The following CSGALNACT1 variants were observed in gnomAD, a reference collection of about 807,000 sequenced individuals.
CSGALNACT1 encodes beta4GalNAcT-1.
CSGALNACT1 carries 52 observed loss-of-function variants against 51.0 expected under a neutral mutation model. The ratio of observed to expected loss-of-function variants is 1.02; its 90% CI spans 0.82 to 1.29. The LOEUF (loss-of-function observed/expected upper bound fraction) is 1.29. CSGALNACT1 is among the 50% of genes most tolerant of loss of function. The pLI is 0.00. For missense variants in CSGALNACT1, 935 were observed against 679.2 expected, an observed-to-expected ratio of 1.38 and a Z score of -4.19; for synonymous variants, 341 against 254.4, an observed-to-expected ratio of 1.34 and a Z score of -3.24.
chr8:19,625,603 T>C (rs1285523680), intron 1 of CSGALNACT1, among the ~76,000 whole-genome samples: 1 of 152,190 alleles, frequency 6.6e-6, no homozygotes, highest in Non-Finnish European at 1.5e-5. Context: ...AGTATAGGAA[T>C]CTGCAGTTTT....
chr8:19,491,098 A>C (rs200933513), intron 4 of CSGALNACT1, among the ~76,000 whole-genome samples: 1 of 148,144 alleles, frequency 6.8e-6, no homozygotes, highest in Non-Finnish European at 1.5e-5. Flanking sequence ...AAAAAAAAAA[A>C]CCAATGCTTT....
intron 3 of CSGALNACT1, among the ~76,000 whole-genome samples, chr8:19,512,072 C>A (rs6988743): frequency 0.57 from 86,549 of 152,032 alleles, 25,602 homozygotes; most frequent in East Asian, 0.83. Flanking sequence ...GAACCAAACC[C>A]TATCAGTGAC....
intron 3 of CSGALNACT1, among the ~76,000 whole-genome samples, chr8:19,573,238 AACTG>A (rs929189353): frequency 1.2e-4 from 18 of 152,342 alleles, no homozygotes; most frequent in African/African-American, 4.1e-4. Context: ...TTCAAACATC[AACTG>A]ACTGTCATAG....
intron 1 of CSGALNACT1, among the ~76,000 whole-genome samples, chr8:19,623,054 A>G (rs1039933114): frequency 3.3e-5 from 5 of 151,240 alleles, no homozygotes; most frequent in African/African-American, 1.2e-4. Flanking sequence ...CCAGAACTTA[A>G]AGTAAAGTAA....
intron 1 of CSGALNACT1, among the ~76,000 whole-genome samples, chr8:19,721,812 C>G (rs1233709028): frequency 6.6e-6 from 1 of 152,182 alleles, no homozygotes; most frequent in Non-Finnish European, 1.5e-5. Flanking sequence ...TTGGCTTTAG[C>G]TGTTCCTTTA....
At chr8:19,543,415 C>T (rs759147243) in intron 3 of CSGALNACT1, among the ~76,000 whole-genome samples, 5 of 152,200 alleles carry the variant, frequency 3.3e-5, no homozygotes, top group Non-Finnish European at 7.3e-5. Flanking sequence ...GTTCTCTATA[C>T]GTATGTGAAG....
chr8:19,647,957 C>T (rs749209788), intron 1 of CSGALNACT1, among the ~76,000 whole-genome samples: 1 of 152,214 alleles, frequency 6.6e-6, no homozygotes, highest in Non-Finnish European at 1.5e-5. Context: ...AGAGACAGTA[C>T]TGCTAAGCCA....
intron 3 of CSGALNACT1, among the ~76,000 whole-genome samples, chr8:19,525,696 T>G (rs1333790378): frequency 1.7e-5 from 2 of 117,696 alleles, no homozygotes; most frequent in Non-Finnish European, 3.4e-5. Flanking sequence ...ATAAATGACC[T>G]AGAGAAAAGT....
chr8:19,621,124 C>T (rs1161703145), intron 1 of CSGALNACT1, among the ~76,000 whole-genome samples: 2 of 152,126 alleles, frequency 1.3e-5, no homozygotes, highest in African/African-American at 4.8e-5. Context: ...AAAGAAGTAA[C>T]TACTGTATTT....
upstream of CSGALNACT1, among the ~76,000 whole-genome samples, chr8:19,686,624 G>T (rs17090706): frequency 0.28 from 42,988 of 152,086 alleles, 6,304 homozygotes; most frequent in East Asian, 0.41. Context: ...AACTCCACTG[G>T]GCATAAACAT....
At chr8:19,634,260 C>T (rs770919992) in intron 1 of CSGALNACT1, among the ~76,000 whole-genome samples, 18 of 152,116 alleles carry the variant, frequency 1.2e-4, no homozygotes, top group Non-Finnish European at 2.4e-4. Context: ...ATGTTGAAGC[C>T]TTAACTCCTT....
chr8:19,416,109 C>CTT (rs34491658), intron 8 of CSGALNACT1, among the ~76,000 whole-genome samples: 35,482 of 116,560 alleles, frequency 0.3, 6,514 homozygotes, highest in East Asian at 0.63. Context: ...GAAATGAAAA[C>CTT]TTTTTTTTTT....
At chr8:19,677,301 G>C (rs140619435) in intron 1 of CSGALNACT1, among the ~76,000 whole-genome samples, 56 of 152,246 alleles carry the variant, frequency 3.7e-4, no homozygotes, top group African/African-American at 1.2e-3. Flanking sequence ...TACAGAGACA[G>C]CATTTTGCCA....
chr8:19,590,433 A>G (rs1419201481), intron 3 of CSGALNACT1, among the ~76,000 whole-genome samples: 1 of 152,186 alleles, frequency 6.6e-6, no homozygotes, highest in Non-Finnish European at 1.5e-5. Context: ...TTCTGTAATG[A>G]ATGCAATTGC....
At chr8:19,457,707 A>G in intron 5 of CSGALNACT1, 2 of 1,330,428 alleles carry the variant, frequency 1.5e-6, no homozygotes, top group Non-Finnish European at 2.0e-6. Flanking sequence ...GAAATCACTT[A>G]GCTGGTTATC....
intron 3 of CSGALNACT1, among the ~76,000 whole-genome samples, chr8:19,552,131 G>C (rs1000802516): frequency 6.6e-6 from 1 of 152,262 alleles, no homozygotes; most frequent in East Asian, 1.9e-4. Flanking sequence ...GCTTAAAAGA[G>C]CTAAACAAAC....
chr8:19,602,007 G>A (rs975912315), exon 1 of CSGALNACT1: 2 of 372,952 alleles, frequency 5.4e-6, no homozygotes, highest in South Asian at 2.1e-5. Context: ...AAAGCAGGAT[G>A]GTATTTGTTC....
At chr8:19,446,496 AATTCATTCATTC>A (rs375986004) in intron 5 of CSGALNACT1, among the ~76,000 whole-genome samples, 5 of 151,880 alleles carry the variant, frequency 3.3e-5, no homozygotes, top group African/African-American at 9.7e-5. Flanking sequence ...GAAGCCTGAA[AATTCATTCATTC>A]ATTCATTCAT....
intron 6 of CSGALNACT1, among the ~76,000 whole-genome samples, chr8:19,423,828 C>T (rs2058341656): frequency 6.6e-6 from 1 of 152,182 alleles, no homozygotes; most frequent in Non-Finnish European, 1.5e-5. Context: ...ATGTTATATC[C>T]ATGGCACTAC....
Sources: allele counts gnomAD v4.1 joint callset (sites outside exome capture counted in the v4.1 genomes callset), GRCh38; gene constraint gnomAD v4.1.1; transcripts MANE v1.5; gene names NCBI Gene and HGNC (gene_info 2026-07-23, HGNC 2026-07-21).